EIF4E3: variants seen among roughly 807,000 people sequenced by gnomAD.
The protein encoded by EIF4E3 is eukaryotic translation initiation factor 4E type 3.
In EIF4E3, 26 loss-of-function variants were observed where a neutral mutation model predicts 31.7. The observed-to-expected ratio is 0.82, with a 90% confidence interval of 0.60 to 1.14. The LOEUF (loss-of-function observed/expected upper bound fraction) is 1.14, where lower values mean the gene tolerates loss of function less well. Ranked by LOEUF, EIF4E3 falls within the 50% of genes most tolerant of loss-of-function variation. The pLI is 0.00. For synonymous variants in EIF4E3, 128 were observed against 107.7 expected, an observed-to-expected ratio of 1.19 and a Z score of -1.17; for missense variants, 304 against 270.9, an observed-to-expected ratio of 1.12 and a Z score of -0.86.
intron 1 of EIF4E3, among the ~76,000 whole-genome samples, chr3:71,739,833 T>A (rs554775362): frequency 6.6e-6 from 1 of 152,346 alleles, no homozygotes; most frequent in Admixed American, 6.5e-5. Flanking sequence ...AATTTTGGTA[T>A]TTTTAAAATC....
intron 2 of EIF4E3, among the ~76,000 whole-genome samples, chr3:71,703,819 A>G (rs1229564876): frequency 6.6e-6 from 1 of 151,734 alleles, no homozygotes; most frequent in Non-Finnish European, 1.5e-5. Context: ...ATCAAAAAAA[A>G]AAAAAAAAAA....
chr3:71,750,984 G>A (rs1343924164), intron 1 of EIF4E3, among the ~76,000 whole-genome samples: 1 of 151,674 alleles, frequency 6.6e-6, no homozygotes, highest in Non-Finnish European at 1.5e-5. Flanking sequence ...GGATAGTCTC[G>A]ATCTCCTGAC....
At chr3:71,670,843 T>C (rs1257585049), downstream of EIF4E3, among the ~76,000 whole-genome samples, 4 of 152,218 alleles carry the variant, frequency 2.6e-5, no homozygotes, top group Non-Finnish European at 5.9e-5. Context: ...GAGAATTCAC[T>C]ATTCCTGTGA....
At chr3:71,711,177 G>C (rs998270267) in intron 1 of EIF4E3, among the ~76,000 whole-genome samples, 2 of 152,154 alleles carry the variant, frequency 1.3e-5, no homozygotes, top group Non-Finnish European at 2.9e-5. Flanking sequence ...TTTTACCAAG[G>C]ACCATTGCCT....
intron 2 of EIF4E3, among the ~76,000 whole-genome samples, chr3:71,705,251 CTCT>C (rs2049275643): frequency 6.6e-6 from 1 of 150,696 alleles, no homozygotes; most frequent in Non-Finnish European, 1.5e-5. Context: ...CCTAGAAAAC[CTCT>C]TCTTCTGAAG....
chr3:71,748,006 A>C (rs1468248731), intron 1 of EIF4E3, among the ~76,000 whole-genome samples: 1 of 152,112 alleles, frequency 6.6e-6, no homozygotes, highest in Non-Finnish European at 1.5e-5. Context: ...TTCTTCCTCT[A>C]TTTTTCCCTT....
chr3:71,673,707 C>A (rs1362913871), downstream of EIF4E3, among the ~76,000 whole-genome samples: 1 of 151,724 alleles, frequency 6.6e-6, no homozygotes, highest in Non-Finnish European at 1.5e-5. Flanking sequence ...TAATATTTAC[C>A]AATCCACTAA....
chr3:71,690,473 C>T (rs1473589561), intron 5 of EIF4E3, among the ~76,000 whole-genome samples: 3 of 152,192 alleles, frequency 2.0e-5, no homozygotes, highest in African/African-American at 7.2e-5. Context: ...CTATTTCTTA[C>T]TCTGTTTTGA....
intron 2 of EIF4E3, among the ~76,000 whole-genome samples, chr3:71,705,985 T>C (rs999345255): frequency 3.9e-5 from 6 of 152,148 alleles, no homozygotes; most frequent in African/African-American, 1.4e-4. Flanking sequence ...ACAAGAGAAA[T>C]GTGGAAAATT....
chr3:71,691,012 T>G (rs2049056853), intron 5 of EIF4E3, among the ~76,000 whole-genome samples: 1 of 152,232 alleles, frequency 6.6e-6, no homozygotes, highest in Non-Finnish European at 1.5e-5. Flanking sequence ...AGTAAGGTGT[T>G]ATACTGTTTT....
chr3:71,727,693 A>G (rs990874955), upstream of EIF4E3, among the ~76,000 whole-genome samples: 2 of 152,240 alleles, frequency 1.3e-5, no homozygotes, highest in African/African-American at 4.8e-5. Context: ...ATATATAAAT[A>G]ATGGTTGATT....
intron 1 of EIF4E3, among the ~76,000 whole-genome samples, chr3:71,743,542 T>C (rs2049841918): frequency 1.3e-5 from 2 of 152,130 alleles, no homozygotes; most frequent in African/African-American, 4.8e-5. Context: ...AAGATGTCAA[T>C]TCTCCCCAAA....
intron 1 of EIF4E3, among the ~76,000 whole-genome samples, chr3:71,752,576 G>A (rs1202119484): frequency 6.6e-6 from 1 of 152,202 alleles, no homozygotes; most frequent in East Asian, 1.9e-4. Context: ...GAGTGTGGGT[G>A]AGAAACAATG....
rs1204330101 is a variant in EIF4E3, at chr3:71,712,530, T to C, written c.177-2046A>G. Among the ~76,000 whole-genome samples the C allele has an allele frequency of 5.3e-5, 8 of 150,468 alleles. No homozygotes were observed. The Admixed American group carries it at 5.4e-4, about 10-fold the overall frequency. On this transcript the variant is annotated intron_variant, in intron 1 of 6. Transcript: ENST00000425534. ...AAAATATGACTTTTCTTCCTTTATC[T>C]GACTGCTCTACTACATATGCCCAGT...
upstream of EIF4E3, chr3:71,754,415 G>T: frequency 5.2e-6 from 7 of 1,351,666 alleles, no homozygotes; most frequent in Non-Finnish European, 5.7e-6. The surrounding 1 kb of genome is among the most constrained non-coding windows in gnomAD (Gnocchi z 5.8). Flanking sequence ...CCCGCTACCT[G>T]GCCATCGCGC....
intron 1 of EIF4E3, among the ~76,000 whole-genome samples, chr3:71,724,766 C>G (rs551600581): frequency 6.6e-6 from 1 of 152,156 alleles, no homozygotes; most frequent in African/African-American, 2.4e-5. Flanking sequence ...GCAACTTTTC[C>G]GAGCGCTGTC....
chr3:71,661,160 T>C, the EIF4E3 span, among the ~76,000 whole-genome samples: 1 of 151,884 alleles, frequency 6.6e-6, no homozygotes, highest in Non-Finnish European at 1.5e-5. Flanking sequence ...GCATTTTTCC[T>C]TCAAGCAACT....
upstream of EIF4E3, chr3:71,728,640 C>G (rs539538943): frequency 2.0e-5 from 3 of 152,860 alleles, no homozygotes; most frequent in South Asian, 2.1e-4. Context: ...ACAAAAACAA[C>G]AAGAAGGACT....
At chr3:71,746,612 C>G (rs1011693369) in intron 1 of EIF4E3, among the ~76,000 whole-genome samples, 1 of 152,200 alleles carries the variant, frequency 6.6e-6, no homozygotes, top group East Asian at 1.9e-4. Context: ...TCCTATCCAC[C>G]TTTTAATAAA....
Sources: gnomAD v4.1 joint callset for allele counts (sites outside exome capture counted in the v4.1 genomes callset) on GRCh38, gnomAD v4.1.1 for gene constraint, Gnocchi (gnomAD v3.1) non-coding constraint, MANE v1.5 for transcripts, NCBI Gene and HGNC (gene_info 2026-07-23, HGNC 2026-07-21) for gene names.